Variants in BLVRB observed in about 807,000 individuals in gnomAD.
The protein encoded by BLVRB is flavin reductase (NADPH).
A neutral mutation model predicts 21.1 loss-of-function variants in BLVRB; 25 were observed. The observed-to-expected ratio is 1.19, with a 90% confidence interval of 0.86 to 1.66. The LOEUF (loss-of-function observed/expected upper bound fraction) is 1.66, where lower values mean the gene tolerates loss of function less well. Among genes scored for constraint, BLVRB ranks in the 40% most tolerant of loss-of-function variants. The pLI is 0.00. For synonymous variants in BLVRB, 128 were observed against 122.2 expected, an observed-to-expected ratio of 1.05 and a Z score of -0.31; for missense variants, 274 against 282.7, an observed-to-expected ratio of 0.97 and a Z score of 0.22.
intron 1 of BLVRB, among the ~76,000 whole-genome samples, chr19:40,461,432 C>G (rs1345345323): frequency 6.6e-6 from 1 of 152,138 alleles, no homozygotes; most frequent in Non-Finnish European, 1.5e-5. Context: ...GCCTTCCAGG[C>G]CCCTCGGGAT....
chr19:40,465,520 C>T (rs540198815), intron 1 of BLVRB, 90 bp downstream of exon 1: 16 of 1,495,710 alleles, frequency 1.1e-5, no homozygotes, highest in African/African-American at 1.4e-5. Context: ...CGCTCATGGC[C>T]CCAATCAGCC....
At chr19:40,450,125 G>A (rs1263514771) in intron 4 of BLVRB, 1 of 140,710 alleles carries the variant, frequency 7.1e-6, no homozygotes, top group African/African-American at 2.7e-5. Flanking sequence ...TTGAACCCAG[G>A]AGGCAAAAGG....
At chr19:40,458,336 G>A in intron 2 of BLVRB, 45 bp downstream of exon 2, 1 of 1,518,958 alleles carries the variant, frequency 6.6e-7, no homozygotes, top group Non-Finnish European at 8.9e-7. Flanking sequence ...GGCGCTGGGG[G>A]CCGAGGTGTA....
intron 4 of BLVRB, among the ~76,000 whole-genome samples, chr19:40,448,608 A>AATATATATATATAT (rs55783717): frequency 5.0e-4 from 63 of 126,356 alleles, no homozygotes; most frequent in East Asian, 1.5e-3. Flanking sequence ...AACAACAACA[A>AATATATATATATAT]ATATATATAT....
At chr19:40,454,023 T>C (rs1431737180) in intron 3 of BLVRB, among the ~76,000 whole-genome samples, 2 of 151,910 alleles carry the variant, frequency 1.3e-5, no homozygotes, top group South Asian at 2.1e-4. Context: ...GTAATGTTAG[T>C]GGTTATAAAA....
At chr19:40,461,704 G>A (rs1036155486) in intron 1 of BLVRB, among the ~76,000 whole-genome samples, 1 of 152,102 alleles carries the variant, frequency 6.6e-6, no homozygotes, top group African/African-American at 2.4e-5. Context: ...GTTTCACGAT[G>A]TTAGCCAGGC....
intron 3 of BLVRB, among the ~76,000 whole-genome samples, chr19:40,455,819 G>A (rs756520629): frequency 6.6e-6 from 1 of 151,890 alleles, no homozygotes; most frequent in Non-Finnish European, 1.5e-5. Flanking sequence ...TTAAAATCAG[G>A]AATATGGCTG....
intron 4 of BLVRB, 137 bp from the exon 5 acceptor site, chr19:40,448,183 C>G (rs2079722752): frequency 2.4e-5 from 20 of 841,982 alleles, no homozygotes; most frequent in Non-Finnish European, 3.3e-5. Context: ...AATGGACTTT[C>G]CATATGCAGG....
In BLVRB at chr19:40,451,361, T is replaced by C; in HGVS notation, c.463+3A>G. 1 of 1,599,992 alleles carries C rather than the reference T, an allele frequency of 6.3e-7. No homozygotes were observed. Among genetic ancestry groups the C allele is most frequent in the Non-Finnish European group, 8.5e-7 (1 of 1,173,620 alleles). ...GGTGCCACCAGGTCCCTGCCCTGCT[T>C]ACCTATGTGTGGCGGCATCACAGCC... On this transcript the variant is annotated splice_donor_region_variant and intron_variant, in intron 4 of 4. Coordinates refer to ENST00000263368, the MANE Select transcript of BLVRB (RefSeq NM_000713.3).
intron 4 of BLVRB, 63 bp downstream of exon 4, chr19:40,451,301 C>A (rs1313896007): frequency 1.3e-6 from 2 of 1,563,554 alleles, no homozygotes; most frequent in African/African-American, 1.3e-5. Flanking sequence ...TTGCAGATCT[C>A]CCCAGAGGGC....
chr19:40,448,130 G>T (rs111302674), intron 4 of BLVRB, 84 bp from the exon 5 acceptor site: 3 of 1,474,164 alleles, frequency 2.0e-6, no homozygotes, highest in Non-Finnish European at 9.2e-7. Context: ...GACCTTCCCA[G>T]GGTGCCTACT....
intron 4 of BLVRB, among the ~76,000 whole-genome samples, chr19:40,449,662 T>A (rs1194182100): frequency 6.6e-6 from 1 of 152,226 alleles, no homozygotes; most frequent in East Asian, 1.9e-4. Flanking sequence ...AGGAGATGGC[T>A]GTCTAGGTAT....
chr19:40,463,810 C>A (rs1194502219), intron 1 of BLVRB, among the ~76,000 whole-genome samples: 1 of 151,528 alleles, frequency 6.6e-6, no homozygotes, highest in African/African-American at 2.4e-5. Flanking sequence ...TCTTGTCGCC[C>A]AGGCTGGAAT....
At chr19:40,459,043 AC>A (rs1246730870) in intron 1 of BLVRB, among the ~76,000 whole-genome samples, 1 of 151,298 alleles carries the variant, frequency 6.6e-6, no homozygotes, top group Non-Finnish European at 1.5e-5. Context: ...AATAGACCAT[AC>A]CTTGGCCAGG....
At position 40,465,743 on chromosome 19, in the gene BLVRB, A is replaced by G. The variant is rs3745208; in HGVS notation, c.-55T>C. On this transcript the variant is annotated 5_prime_UTR_variant, in exon 1 of 5. Coordinates refer to ENST00000263368, the MANE Select transcript of BLVRB (RefSeq NM_000713.3). The stretch of plus-strand genomic sequence containing the variant: ...AGAGTCTCGGCACGCGCGGGAACCC[A>G]CTGGCTGCTGGGCGGTGCTCTCTGC... The G allele has an allele frequency of 3.4e-4, 537 of 1,577,376 alleles. 6 individuals are homozygous for G. In the East Asian group the frequency reaches 0.012, roughly 36 times the overall value.
rs1441620450 is a variant in BLVRB, at chr19:40,465,601, G to T, written c.79+9C>A. 6.2e-7 allele frequency: 1 copy of T among 1,609,874 alleles called. No homozygotes were observed. Among genetic ancestry groups the T allele is most frequent in the Non-Finnish European group, 8.5e-7 (1 of 1,178,928 alleles). ...TCCCGTGACATGCCCCGCCCGCCCC[G>T]GCTCATGCCTGCTTGCACCGCCTGC... On this transcript the variant is annotated intron_variant, in intron 1 of 4. Coordinates refer to ENST00000263368, the MANE Select transcript of BLVRB (RefSeq NM_000713.3).
In BLVRB at chr19:40,456,172, G is replaced by T. The variant is rs543437479; in HGVS notation, c.334+1983C>A. ...GATGTATGTAAGCTAACTTCAAATG[G>T]GTCAGAAAAAAAACATTGTGTGTCT... On this transcript the variant is annotated intron_variant, in intron 3 of 4. Coordinates refer to ENST00000263368, the MANE Select transcript of BLVRB (RefSeq NM_000713.3). Among the ~76,000 whole-genome samples the T allele has an allele frequency of 3.3e-5, 5 of 152,020 alleles. No homozygotes were observed. The East Asian group carries it at 9.6e-4, about 29-fold the overall frequency.
rs138169086 is a variant in BLVRB, at chr19:40,450,066, C to T, written c.463+1298G>A. 1.7e-3 allele frequency among the ~76,000 whole-genome samples: 254 copies of T among 151,382 alleles called. 1 individual carries two copies. Among genetic ancestry groups the T allele is most frequent in the African/African-American group, 5.7e-3 (236 of 41,226 alleles). On this transcript the variant is annotated intron_variant, in intron 4 of 4. Transcript: ENST00000263368. The stretch of plus-strand genomic sequence containing the variant: ...TACAAAAATTAGCTGGGCGTGGTGG[C>T]ACGCGCCTGTAGTCCCAGCTATTCG...
intron 3 of BLVRB, 101 bp from the exon 4 acceptor site, chr19:40,451,593 C>T (rs1331031812): frequency 2.2e-5 from 30 of 1,387,572 alleles, no homozygotes; most frequent in South Asian, 3.0e-5. Context: ...AGTGCAGTGG[C>T]GCAATCTCGG....
Sources: gnomAD v4.1 joint callset for allele counts (sites outside exome capture counted in the v4.1 genomes callset) on GRCh38, gnomAD v4.1.1 for gene constraint, MANE v1.5 for transcripts, NCBI Gene and HGNC (gene_info 2026-07-23, HGNC 2026-07-21) for gene names.